The following UPP1 variants were observed in gnomAD, a reference collection of about 807,000 sequenced individuals.
UPP1 encodes the protein UPase 1.
UPP1 carries 25 observed loss-of-function variants against 29.6 expected under a neutral mutation model. The observed-to-expected ratio is 0.85, with a 90% CI of 0.62 to 1.18. The LOEUF (loss-of-function observed/expected upper bound fraction) is 1.18. Ranked by LOEUF, UPP1 falls within the 50% of genes most tolerant of loss-of-function variation. The pLI, the probability that UPP1 is intolerant of heterozygous loss-of-function variation, is 0.00. For synonymous variants in UPP1, 165 were observed against 159.8 expected (o/e 1.03, Z -0.25); for missense variants, 368 against 410.4 (o/e 0.90, Z 0.89).
Position 48,108,218 on chromosome 7 carries a change from C to T in UPP1, c.794C>T (p.Ala265Val), listed in dbSNP as rs780064079. The change falls in exon 9 of 9, where the codon GCG becomes GTG. Residue 265 changes from alanine to valine, a missense_variant and splice_region_variant. Ala to Val is a moderately conservative substitution (Grantham distance 64). Coordinates refer to ENST00000395564, the MANE Select transcript of UPP1 (RefSeq NM_003364.4). ...AAMCSACGLQ[A>V]AVVCVTLLNR... ...TTGATGTGGTCTTTGTCCTTTGCAG[C>T]GGCCGTGGTGTGTGTCACCCTCCTG... The T allele has an allele frequency of 3.5e-5, 56 of 1,611,584 alleles. No individual in the cohort carries two copies. Among genetic ancestry groups the T allele is most frequent in the Middle Eastern group, 3.8e-4 (2 of 5,286 alleles).
chr7:48,094,782 GA>G lies in UPP1; in HGVS notation c.1del. ...CCTTAGGGTCCTGCCTCAGTTGGCG[GA>G]ATGGCGGCCACGGGAGCCAATGCAG... On this transcript the variant is annotated 5_prime_UTR_variant, in exon 3 of 9. Coordinates refer to ENST00000395564, the MANE Select transcript of UPP1 (RefSeq NM_003364.4). 1.9e-6 allele frequency: 3 copies of G among 1,599,606 alleles called. No homozygotes were observed. Among genetic ancestry groups the G allele is most frequent in the Non-Finnish European group, 2.6e-6 (3 of 1,171,214 alleles).
intron 2 of UPP1, among the ~76,000 whole-genome samples, chr7:48,091,008 C>T (rs964733554): frequency 1.3e-5 from 2 of 151,972 alleles, no homozygotes; most frequent in African/African-American, 2.4e-5. Flanking sequence ...TTAAAATTAA[C>T]GCAAACTTAT....
rs954023662 is a variant in UPP1, at chr7:48,108,096, G to A, written c.794-122G>A. The A allele has an allele frequency of 4.2e-6, 6 of 1,431,942 alleles. No individual in the cohort carries two copies. The African/African-American group carries it at 8.5e-5, about 20-fold the overall frequency. The allele number at this position is 1,431,942 out of a possible 1,614,324, so 88.7% of individuals were successfully genotyped here. ...CCTCCGGCCCCGCCTGACTGCATGG[G>A]CAGCCTGGTTTCCTGAGGAGGCAGA... On this transcript the variant is annotated intron_variant, in intron 8 of 8. Transcript: ENST00000395564.
chr7:48,091,035 CAAAA>C (rs768777618), intron 2 of UPP1, among the ~76,000 whole-genome samples: 74 of 151,952 alleles, frequency 4.9e-4, no homozygotes, highest in Non-Finnish European at 8.5e-4. Flanking sequence ...AACAAACAAA[CAAAA>C]AAACCCAAAA....
At chr7:48,097,453 C>T (rs574299125) in intron 3 of UPP1, among the ~76,000 whole-genome samples, 16 of 152,186 alleles carry the variant, frequency 1.1e-4, no homozygotes, top group African/African-American at 3.1e-4. Context: ...TGGCTAGTCT[C>T]GAATTCCTGG....
At chr7:48,106,771 C>T (rs1188270242) in intron 6 of UPP1, 102 bp from the exon 7 acceptor site, 8 of 1,056,432 alleles carry the variant, frequency 7.6e-6, no homozygotes, top group Non-Finnish European at 9.9e-6. Flanking sequence ...GGTGGATCTG[C>T]TTCTTTCTTC....
Position 48,106,987 on chromosome 7 carries a change from A to G in UPP1, c.551A>G (p.Lys184Arg), listed in dbSNP as rs1208034056. 4 of 1,613,148 alleles carry G rather than the reference A, an allele frequency of 2.5e-6. No individual in the cohort carries two copies. Among genetic ancestry groups the G allele is most frequent in the African/African-American group, 2.7e-5 (2 of 75,026 alleles). The change falls in exon 7 of 9, where the codon AAG (lysine) becomes AGG (arginine). Residue 184 changes from lysine to arginine, a missense_variant. By Grantham distance (26) the Lys-to-Arg change is conservative. Coordinates refer to ENST00000395564, the MANE Select transcript of UPP1 (RefSeq NM_003364.4). ...KRVIRKTDLN[K>R]KLVQELLLCS... The stretch of plus-strand genomic sequence containing the variant: ...GTCATCCGGAAAACGGACCTTAACA[A>G]GAAGCTGGTGCAGGAGCTGTTGCTG...
rs575595267 is a variant in UPP1 at position 48,104,090 on chromosome 7, C to T, written c.436+679C>T. On this transcript the variant is annotated intron_variant, in intron 6 of 8. Coordinates refer to ENST00000395564, the MANE Select transcript of UPP1 (RefSeq NM_003364.4). Reference sequence around the variant, plus strand: ...AAGATTAGCTGGGCGTGGTGGTGCACGTCTGTAGTCCCAGCTGCTGGTGAG... The same window carrying T: ...AAGATTAGCTGGGCGTGGTGGTGCATGTCTGTAGTCCCAGCTGCTGGTGAG... The T allele has an allele frequency of 1.1e-3, 345 of 327,390 alleles. 2 individuals carry two copies. In the East Asian group the frequency reaches 0.014, roughly 14 times the overall value. 20.3% of individuals were successfully genotyped at this position (327,390 alleles called of 1,614,324 possible).
At chr7:48,096,198 T>C (rs566616060) in intron 3 of UPP1, among the ~76,000 whole-genome samples, 1 of 152,276 alleles carries the variant, frequency 6.6e-6, no homozygotes, top group East Asian at 1.9e-4. Flanking sequence ...TCTTCAGTAA[T>C]TATTTTACCC....
At chr7:48,107,888 C>G (rs1792853051) in intron 8 of UPP1, among the ~76,000 whole-genome samples, 1 of 152,330 alleles carries the variant, frequency 6.6e-6, no homozygotes, top group East Asian at 1.9e-4. Context: ...CTGCAGAATT[C>G]CCTTATCACC....
In UPP1 at chr7:48,108,642, C is replaced by A. The variant is rs1053251247; in HGVS notation, c.*285C>A. On this transcript the variant is annotated 3_prime_UTR_variant, in exon 9 of 9. Coordinates refer to ENST00000395564, the MANE Select transcript of UPP1 (RefSeq NM_003364.4). ...GGGAAATTTTTCAGACTTTAAAATT[C>A]TAATGGTAGTCAGATTTCATGTCAC... 4 of 269,654 alleles carry A rather than the reference C, an allele frequency of 1.5e-5. No individual in the cohort carries two copies. Among genetic ancestry groups the A allele is most frequent in the Non-Finnish European group, 2.8e-5 (4 of 145,174 alleles). The allele number at this position is 269,654 out of a possible 1,614,324, so 16.7% of individuals were successfully genotyped here.
At chr7:48,107,859 T>C (rs2128819055) in intron 8 of UPP1, among the ~76,000 whole-genome samples, 1 of 152,334 alleles carries the variant, frequency 6.6e-6, no homozygotes, top group African/African-American at 2.4e-5. Flanking sequence ...TAGCCACCCT[T>C]GAAGGCCAGC....
At chr7:48,089,234 A>G (rs540925293), upstream of UPP1, 3 of 152,014 alleles carry the variant, frequency 2.0e-5, no homozygotes, top group Admixed American at 2.0e-4. Flanking sequence ...CGCAGACTCC[A>G]TATGAGATTC....
At chr7:48,107,123 A>G (rs1202369274) in intron 7 of UPP1, 41 bp downstream of exon 7, 1 of 1,602,060 alleles carries the variant, frequency 6.2e-7, no homozygotes, top group Non-Finnish European at 8.5e-7. Context: ...CAGCCAGGGA[A>G]CCCTGGTCCG....
At chr7:48,091,759 C>T (rs770525915) in intron 2 of UPP1, among the ~76,000 whole-genome samples, 6 of 152,092 alleles carry the variant, frequency 3.9e-5, no homozygotes, top group African/African-American at 7.2e-5. Context: ...GGGGATCCTG[C>T]AGGTACTAAG....
chr7:48,103,435 T>C lies in UPP1; in HGVS notation c.436+24T>C, dbSNP rs375866800. ...AGGTAAGGTCTGCAGAGGGGCCTCT[T>C]GCCCTGTGAATGGATGAGGGACTGG... On this transcript the variant is annotated intron_variant, in intron 6 of 8. Transcript: ENST00000395564. 627 of 1,593,444 alleles carry C rather than the reference T, an allele frequency of 3.9e-4. 2 individuals are homozygous for C. The highest frequency in any genetic ancestry group is 1.0e-3 in the South Asian group (94 of 90,648).
Position 48,108,142 on chromosome 7 carries a change from G to A in UPP1, c.794-76G>A, listed in dbSNP as rs568171205. On this transcript the variant is annotated intron_variant, in intron 8 of 8. Transcript: ENST00000395564. ...GCAGAGAGGCTGCTCCTCAGAGCTCGTGGGTTCTTCATCCCGTCCCTGTGA... is the reference window on the plus strand; with the variant it reads ...GCAGAGAGGCTGCTCCTCAGAGCTCATGGGTTCTTCATCCCGTCCCTGTGA... 78 of 1,560,704 alleles carry A rather than the reference G, an allele frequency of 5.0e-5. 1 individual carries two copies. The South Asian group carries it at 5.5e-4, about 11-fold the overall frequency.
intron 7 of UPP1, 43 bp downstream of exon 7, chr7:48,107,125 C>A: frequency 6.3e-7 from 1 of 1,599,840 alleles, no homozygotes; most frequent in South Asian, 1.1e-5. Flanking sequence ...GCCAGGGAAC[C>A]CTGGTCCGTC....
intron 4 of UPP1, among the ~76,000 whole-genome samples, chr7:48,101,521 G>A (rs911329971): frequency 1.3e-5 from 2 of 152,050 alleles, no homozygotes; most frequent in Admixed American, 6.5e-5. Flanking sequence ...TCTACATGAC[G>A]GAGGGAGGCC....
Sources: allele counts gnomAD v4.1 joint callset (sites outside exome capture counted in the v4.1 genomes callset), GRCh38; gene constraint gnomAD v4.1.1; transcripts MANE v1.5; gene names NCBI Gene and HGNC (gene_info 2026-07-23, HGNC 2026-07-21).